IL1RAPL1: variants seen among roughly 807,000 people sequenced by gnomAD.
IL1RAPL1 encodes interleukin-1 receptor accessory protein-like 1.
Under a neutral mutation model 48.4 loss-of-function variants are expected in IL1RAPL1, and 3 were observed. The ratio of observed to expected loss-of-function variants is 0.06; its 90% CI spans 0.03 to 0.16. The LOEUF is 0.16. Among genes scored for constraint, IL1RAPL1 ranks in the 10% least tolerant of loss-of-function variants. IL1RAPL1 has a pLI of 1.00. For synonymous variants in IL1RAPL1, 185 were observed against 187.7 expected, an observed-to-expected ratio of 0.99 and a Z score of 0.12; for missense variants, 349 against 530.6, an observed-to-expected ratio of 0.66 and a Z score of 3.36.
chrX:29,895,156 TA>T (rs1448586724), intron 6 of IL1RAPL1, among the ~76,000 whole-genome samples: 1 of 110,881 alleles, frequency 9.0e-6, no homozygotes, highest in Non-Finnish European at 1.9e-5. Flanking sequence ...CGTTTGTAAC[TA>T]AAAAATTTTA....
chrX:29,512,046 C>T (rs893350587), intron 5 of IL1RAPL1, among the ~76,000 whole-genome samples: 1 of 110,816 alleles, frequency 9.0e-6, no homozygotes, highest in African/African-American at 3.3e-5. Flanking sequence ...TACAACATTT[C>T]GGGGGTTACA....
intron 5 of IL1RAPL1, among the ~76,000 whole-genome samples, chrX:29,514,512 T>G (rs924792047): frequency 1.8e-5 from 2 of 112,684 alleles, no homozygotes; most frequent in Admixed American, 9.4e-5. Flanking sequence ...GCAGTGGCAC[T>G]ATCTCGGCTC....
intron 2 of IL1RAPL1, among the ~76,000 whole-genome samples, chrX:28,820,004 A>G (rs1936918092): frequency 1.1e-5 from 1 of 87,464 alleles, no homozygotes; most frequent in Non-Finnish European, 2.2e-5. Context: ...ATATATATAT[A>G]TATATATATA....
intron 3 of IL1RAPL1, among the ~76,000 whole-genome samples, chrX:29,304,229 A>T (rs1032940432): frequency 2.7e-5 from 3 of 110,197 alleles, no homozygotes; most frequent in African/African-American, 9.9e-5. Context: ...TGAGTGTTAG[A>T]TTTCTTCCTT....
At chrX:28,937,592 T>A (rs1924050680) in intron 2 of IL1RAPL1, among the ~76,000 whole-genome samples, 1 of 111,540 alleles carries the variant, frequency 9.0e-6, no homozygotes, top group South Asian at 3.7e-4. Context: ...ATGAGATTTT[T>A]AAAATCATGG....
At chrX:29,251,604 A>C (rs1931620508) in intron 2 of IL1RAPL1, among the ~76,000 whole-genome samples, 1 of 111,091 alleles carries the variant, frequency 9.0e-6, no homozygotes, top group African/African-American at 3.3e-5. Context: ...CTTTTGAGAG[A>C]ATTAAAAGGA....
chrX:29,908,340 C>T (rs963436598), intron 6 of IL1RAPL1, among the ~76,000 whole-genome samples: 2 of 106,930 alleles, frequency 1.9e-5, no homozygotes, highest in African/African-American at 6.9e-5. Flanking sequence ...GAGTTCAAGA[C>T]CAGGCTGGGT....
chrX:28,711,299 C>A (rs1173631666), intron 1 of IL1RAPL1, among the ~76,000 whole-genome samples: 1 of 111,522 alleles, frequency 9.0e-6, no homozygotes, highest in Non-Finnish European at 1.9e-5. Flanking sequence ...AATATCAAGG[C>A]TTTTGGCATA....
chrX:29,805,393 A>ACACGCACACACACACACACATG (rs1410927793), intron 6 of IL1RAPL1, among the ~76,000 whole-genome samples: 1 of 109,134 alleles, frequency 9.2e-6, no homozygotes, highest in Non-Finnish European at 1.9e-5. Context: ...TATTAGTTAC[A>ACACGCACACACACACACACATG]CACGCACACA....
intron 1 of IL1RAPL1, chrX:28,659,585 A>G: frequency 4.8e-6 from 2 of 416,409 alleles, no homozygotes; most frequent in Non-Finnish European, 8.6e-6. Context: ...CTAGAGAGCG[A>G]CGGTGGCGGT....
chrX:29,191,930 G>A (rs995637291), intron 2 of IL1RAPL1, among the ~76,000 whole-genome samples: 1 of 111,563 alleles, frequency 9.0e-6, no homozygotes, highest in African/African-American at 3.3e-5. Context: ...CTTGTCGCAC[G>A]TGGCCCACCT....
intron 6 of IL1RAPL1, among the ~76,000 whole-genome samples, chrX:29,902,977 C>G (rs1225865376): frequency 9.0e-6 from 1 of 111,570 alleles, no homozygotes; most frequent in African/African-American, 3.3e-5. Context: ...ACATCCTCAA[C>G]TATGAGCTTA....
intron 3 of IL1RAPL1, among the ~76,000 whole-genome samples, chrX:29,290,284 G>A (rs763406921): frequency 9.0e-6 from 1 of 111,532 alleles, no homozygotes; most frequent in East Asian, 2.8e-4. Flanking sequence ...TGCATGTAAC[G>A]GCAAACAAGC....
chrX:28,691,081 A>G (rs189902912), intron 1 of IL1RAPL1, among the ~76,000 whole-genome samples: 51 of 111,364 alleles, frequency 4.6e-4, no homozygotes, highest in Non-Finnish European at 5.7e-5. Flanking sequence ...AGTGGCTTCT[A>G]ATTGCTCTTA....
chrX:28,984,531 C>G (rs1218103269), intron 2 of IL1RAPL1, among the ~76,000 whole-genome samples: 2 of 112,256 alleles, frequency 1.8e-5, no homozygotes, highest in Admixed American at 9.4e-5. Context: ...TTTCACACAT[C>G]TTTCTCCTTG....
intron 6 of IL1RAPL1, among the ~76,000 whole-genome samples, chrX:29,699,414 A>G (rs908104242): frequency 4.4e-5 from 5 of 112,584 alleles, no homozygotes; most frequent in African/African-American, 6.4e-5. Flanking sequence ...ATTCTATTAC[A>G]CAGTTATTTC....
chrX:28,845,758 G>T (rs912151303), intron 2 of IL1RAPL1, among the ~76,000 whole-genome samples: 2 of 111,740 alleles, frequency 1.8e-5, no homozygotes, highest in Non-Finnish European at 3.8e-5. Flanking sequence ...AAGTTAAAAA[G>T]ATTTTATTTT....
intron 6 of IL1RAPL1, among the ~76,000 whole-genome samples, chrX:29,692,582 T>C (rs1378951816): frequency 8.9e-6 from 1 of 112,557 alleles, no homozygotes; most frequent in Non-Finnish European, 1.9e-5. Context: ...TCTTTTTCTA[T>C]AGCAGCCTAT....
At chrX:29,025,077 G>A (rs1053736624) in intron 2 of IL1RAPL1, among the ~76,000 whole-genome samples, 1 of 111,580 alleles carries the variant, frequency 9.0e-6, no homozygotes, top group Non-Finnish European at 1.9e-5. Flanking sequence ...GGTTTTTGTG[G>A]CTGGCTTCTT....
Sources: gnomAD v4.1 joint callset for allele counts (sites outside exome capture counted in the v4.1 genomes callset) on GRCh38, gnomAD v4.1.1 for gene constraint, MANE v1.5 for transcripts, NCBI Gene and HGNC (gene_info 2026-07-23, HGNC 2026-07-21) for gene names.